The following MYH16 variants were observed in gnomAD, a reference collection of about 807,000 sequenced individuals.
MYH16 encodes putative uncharacterized protein MYH16.
chr7:99,266,716 C>G (rs1791990899), intron 17 of MYH16: 2 of 152,578 alleles, frequency 1.3e-5, no homozygotes. Flanking sequence ...ATCTCTCTGC[C>G]TCCCAGGGGC....
At chr7:99,259,347 C>T (rs1039450481) in intron 11 of MYH16, among the ~76,000 whole-genome samples, 2 of 152,194 alleles carry the variant, frequency 1.3e-5, no homozygotes, top group African/African-American at 2.4e-5. Flanking sequence ...CATGCAGTGG[C>T]TTATGCCTGT....
rs77798378 is a variant in MYH16, at chr7:99,266,533, T to C, written n.2146-321T>C. On this transcript the variant is annotated intron_variant and non_coding_transcript_variant, in intron 17 of 41. Transcript: ENST00000439784. Reference sequence around the variant, plus strand: ...AAAGGGGGCTGCTCCCAGGTCATGATAAAAAACCTGTTTGCTGATGTCTGG... The same window carrying C: ...AAAGGGGGCTGCTCCCAGGTCATGACAAAAAACCTGTTTGCTGATGTCTGG... Among the ~76,000 whole-genome samples, 2,079 of 152,228 alleles carry C rather than the reference T, an allele frequency of 0.014. 110 individuals are homozygous for C. In the South Asian group the frequency reaches 0.18, roughly 13 times the overall value.
chr7:99,244,055 A>G (rs1053639670), intron 2 of MYH16, among the ~76,000 whole-genome samples: 1 of 151,906 alleles, frequency 6.6e-6, no homozygotes, highest in African/African-American at 2.4e-5. Context: ...CGATCCATAC[A>G]TATATACGTC....
chr7:99,283,926 T>G, exon 25 of MYH16: 1 of 456,668 alleles, frequency 2.2e-6, no homozygotes, highest in Admixed American at 2.3e-5. Context: ...TGGAAAAGGC[T>G]CGTCGGAAAG....
chr7:99,302,315 TATACACAC>T (rs1420049040), intron 38 of MYH16, among the ~76,000 whole-genome samples: 12 of 77,980 alleles, frequency 1.5e-4, no homozygotes, highest in African/African-American at 5.2e-4. Context: ...AAAAAAAATA[TATACACAC>T]ACACACACAC....
At chr7:99,299,528 G>A (rs925196016) in exon 37 of MYH16, 7 of 153,372 alleles carry the variant, frequency 4.6e-5, no homozygotes, top group East Asian at 3.9e-4. Flanking sequence ...GCCAAGGGCC[G>A]GGCAGAGGCA....
At chr7:99,242,447 G>A (rs1791677318) in intron 1 of MYH16, among the ~76,000 whole-genome samples, 1 of 151,742 alleles carries the variant, frequency 6.6e-6, no homozygotes, top group East Asian at 1.9e-4. Context: ...ACCAGCATAG[G>A]CAACATAGCA....
chr7:99,291,421 T>C lies in MYH16; in HGVS notation n.3923T>C, dbSNP rs538726223. 7.6e-4 allele frequency: 349 copies of C among 456,548 alleles called. 8 individuals are homozygous for C. Among genetic ancestry groups the C allele is most frequent in the South Asian group, 5.0e-3 (324 of 64,562 alleles). The allele number at this position is 456,548 out of a possible 1,614,324, so 28.3% of individuals were successfully genotyped here. On this transcript the variant is annotated non_coding_transcript_exon_variant, in exon 31 of 42. Coordinates refer to ENST00000439784, the Ensembl canonical transcript of MYH16. ...ATCTCTGACGTCACAAGTGGATGAT[T>C]ACAAGAGGCAGCTGGATGAAGAGTC...
exon 30 of MYH16, chr7:99,289,391 G>C (rs1297076100): frequency 2.3e-6 from 1 of 440,620 alleles, no homozygotes; most frequent in South Asian, 1.6e-5. Flanking sequence ...ATGCCATCAG[G>C]ACCCGCCTCC....
At chr7:99,266,870 C>T (rs1296462541) in exon 18 of MYH16, 1 of 152,666 alleles carries the variant, frequency 6.6e-6, no homozygotes, top group Non-Finnish European at 1.5e-5. Flanking sequence ...AGTGCTGAAC[C>T]CCAACGTGAT....
intron 32 of MYH16, among the ~76,000 whole-genome samples, chr7:99,293,110 T>A (rs1792415608): frequency 6.6e-6 from 1 of 152,182 alleles, no homozygotes; most frequent in African/African-American, 2.4e-5. Context: ...TGAGCCACCC[T>A]GGGCCAGGCA....
At chr7:99,291,361 C>T (rs1437584701) in exon 31 of MYH16, 1 of 456,700 alleles carries the variant, frequency 2.2e-6, no homozygotes, top group African/African-American at 2.0e-5. Flanking sequence ...TGAAGAGTCC[C>T]AGAGCCGGCT....
At chr7:99,281,940 C>T (rs1285897647) in intron 23 of MYH16, among the ~76,000 whole-genome samples, 1 of 152,226 alleles carries the variant, frequency 6.6e-6, no homozygotes, top group East Asian at 1.9e-4. Flanking sequence ...GGAACTACCG[C>T]CCTTGCCCTG....
chr7:99,288,626 T>G (rs1164034166), intron 29 of MYH16, among the ~76,000 whole-genome samples: 14 of 149,250 alleles, frequency 9.4e-5, no homozygotes. Context: ...AGGCAGAGGT[T>G]GCATTGAGCC....
chr7:99,267,109 T>C (rs781727631), intron 18 of MYH16: 1 of 152,326 alleles, frequency 6.6e-6, no homozygotes, highest in Non-Finnish European at 1.5e-5. Flanking sequence ...GCTGAGAGCC[T>C]CAGTTTCCTG....
At chr7:99,253,545 T>C (rs1232846626) in intron 7 of MYH16, 1 of 151,928 alleles carries the variant, frequency 6.6e-6, no homozygotes, top group Admixed American at 6.6e-5. Flanking sequence ...CTGGCCCCGT[T>C]CCCAGGACTC....
intron 39 of MYH16, among the ~76,000 whole-genome samples, chr7:99,304,322 C>T (rs1267684529): frequency 6.6e-6 from 1 of 152,156 alleles, no homozygotes; most frequent in Non-Finnish European, 1.5e-5. Context: ...AGACAGCAGT[C>T]AGTAGGGTTT....
At chr7:99,268,841 G>C (rs2150814639) in intron 18 of MYH16, among the ~76,000 whole-genome samples, 1 of 152,334 alleles carries the variant, frequency 6.6e-6, no homozygotes, top group East Asian at 1.9e-4. Context: ...TTGAGGGGCA[G>C]GGAGCATTCT....
At chr7:99,286,819 T>C (rs549735092) in intron 28 of MYH16, among the ~76,000 whole-genome samples, 1 of 151,188 alleles carries the variant, frequency 6.6e-6, no homozygotes, top group African/African-American at 2.4e-5. Context: ...CTGGGCATGG[T>C]GGCATGTTCC....
Sources: allele counts gnomAD v4.1 joint callset (sites outside exome capture counted in the v4.1 genomes callset), GRCh38; gene constraint gnomAD v4.1.1; transcripts MANE v1.5; gene names NCBI Gene and HGNC (gene_info 2026-07-23, HGNC 2026-07-21).